Variants in RPGRIP1L observed in about 807,000 individuals in gnomAD.
RPGRIP1L encodes the protein RPGRIP1 like, also known as protein fantom.
In RPGRIP1L, 131 loss-of-function variants were observed where a neutral mutation model predicts 160.4. The observed-to-expected ratio is 0.82, with a 90% CI of 0.71 to 0.94. The LOEUF (loss-of-function observed/expected upper bound fraction) is 0.94. Ranked by LOEUF, RPGRIP1L falls within the 40% of genes least tolerant of loss-of-function variation. The pLI is 0.00. For synonymous variants in RPGRIP1L, 510 were observed against 515.8 expected (o/e 0.99, Z 0.15); for missense variants, 1,522 against 1,535.8 (o/e 0.99, Z 0.15).
intron 7 of RPGRIP1L, 138 bp from the exon 8 acceptor site, chr16:53,673,154 A>G (rs1968882708): frequency 2.5e-6 from 2 of 814,894 alleles, no homozygotes; most frequent in Admixed American, 4.6e-5. Flanking sequence ...TATTTTTTAC[A>G]TAACAAATGA....
chr16:53,677,068 T>G (rs1014104262), intron 6 of RPGRIP1L, among the ~76,000 whole-genome samples: 8 of 152,338 alleles, frequency 5.3e-5, no homozygotes, highest in Non-Finnish European at 8.8e-5. Context: ...TTTAAATTTT[T>G]TTGTAAGGCA....
chr16:53,620,878 T>C (rs1025358865), intron 23 of RPGRIP1L, among the ~76,000 whole-genome samples: 6 of 152,216 alleles, frequency 3.9e-5, no homozygotes, highest in Admixed American at 6.5e-5. Flanking sequence ...GTAATACATA[T>C]ATTTTATAAT....
At chr16:53,664,305 A>T (rs1968057354) in intron 10 of RPGRIP1L, among the ~76,000 whole-genome samples, 1 of 152,192 alleles carries the variant, frequency 6.6e-6, no homozygotes. Flanking sequence ...ATTTAAGGTC[A>T]CTGTCACAAA....
intron 17 of RPGRIP1L, among the ~76,000 whole-genome samples, chr16:53,643,141 C>G (rs1052044128): frequency 6.6e-6 from 1 of 151,954 alleles, no homozygotes; most frequent in Non-Finnish European, 1.5e-5. Flanking sequence ...AACCTTGTCT[C>G]TACTAAAAAT....
intron 10 of RPGRIP1L, chr16:53,659,977 T>A (rs1014766234): frequency 6.6e-6 from 1 of 152,134 alleles, no homozygotes; most frequent in East Asian, 1.9e-4. Flanking sequence ...AATGGAATAA[T>A]GGTTATGCTT....
chr16:53,654,429 C>T (rs1208746874), intron 14 of RPGRIP1L, among the ~76,000 whole-genome samples: 1 of 152,162 alleles, frequency 6.6e-6, no homozygotes, highest in African/African-American at 2.4e-5. Context: ...CCTGGAATGC[C>T]TTATATTACT....
At chr16:53,677,356 T>C (rs1281016060) in intron 6 of RPGRIP1L, among the ~76,000 whole-genome samples, 1 of 152,206 alleles carries the variant, frequency 6.6e-6, no homozygotes, top group African/African-American at 2.4e-5. Flanking sequence ...AGAGTACACC[T>C]TTCCTGGGAC....
At chr16:53,620,002 C>T (rs1047947848) in intron 23 of RPGRIP1L, among the ~76,000 whole-genome samples, 6 of 152,184 alleles carry the variant, frequency 3.9e-5, no homozygotes, top group African/African-American at 1.4e-4. Flanking sequence ...AAGGTAACTC[C>T]TCAGTTAAAT....
At chr16:53,643,033 T>C (rs542368999) in intron 17 of RPGRIP1L, among the ~76,000 whole-genome samples, 296 of 152,134 alleles carry the variant, frequency 1.9e-3, no homozygotes, top group African/African-American at 6.6e-3. Flanking sequence ...TGCGGTGGCT[T>C]ACCCCTGCAA....
chr16:53,698,373 T>G (rs1386320556), intron 2 of RPGRIP1L, among the ~76,000 whole-genome samples: 11 of 99,312 alleles, frequency 1.1e-4, no homozygotes, highest in South Asian at 3.4e-4. Flanking sequence ...AGGTGGGGGG[T>G]CAGCCCCCCG....
In RPGRIP1L at chr16:53,692,360, C is replaced by T. The variant is rs763182141; in HGVS notation, c.235G>A (p.Ala79Thr). The T allele has an allele frequency of 5.6e-6, 9 of 1,613,624 alleles. No individual in the cohort carries two copies. The highest frequency in any genetic ancestry group is 5.0e-5 in the Admixed American group (3 of 60,010). Residue 79 changes from alanine (A) to threonine (T), a missense_variant, in exon 4 of 27, where the codon GCC becomes ACC. Physicochemically the swap from Ala to Thr is moderately conservative, Grantham distance 58. Transcript: ENST00000647211. ...RKQEDKIKRM[A>T]TKLIRLVNDK... ...TTAACTAGCCGTATTAACTTGGTGG[C>T]CATTCTGGGGAAATAATAAAAAGAT...
intron 6 of RPGRIP1L, among the ~76,000 whole-genome samples, chr16:53,681,888 A>G (rs528549576): frequency 4.9e-4 from 74 of 152,350 alleles, no homozygotes; most frequent in African/African-American, 1.8e-3. Flanking sequence ...TCAGACTTCT[A>G]GAATTTCAAA....
chr16:53,641,578 A>AGC, intron 17 of RPGRIP1L, 103 bp from the exon 18 acceptor site: 1 of 1,046,982 alleles, frequency 9.6e-7, no homozygotes, highest in East Asian at 2.6e-5. Context: ...CTCATGCTCT[A>AGC]CCATGTGAAC....
chr16:53,696,237 C>T lies in RPGRIP1L; in HGVS notation c.144G>A (p.Glu48=). The T allele has an allele frequency of 6.2e-7, 1 of 1,614,040 alleles. No individual in the cohort carries two copies. Among genetic ancestry groups the T allele is most frequent in the African/African-American group, 1.3e-5 (1 of 75,032 alleles). Residue 48 remains glutamate, a synonymous_variant, in exon 3 of 27, where the codon GAG becomes GAA. Coordinates refer to ENST00000647211, the MANE Select transcript of RPGRIP1L (RefSeq NM_015272.5). Reference sequence around the variant, plus strand: ...AACGCAAAAATCTGTCTTCCAGTTCCTCACGACTGACACGTGACACTGCCT... The same window carrying T: ...AACGCAAAAATCTGTCTTCCAGTTCTTCACGACTGACACGTGACACTGCCT... ...SRQAVSRVSR[E]ELEDRFLRLH... is the part of the protein sequence containing the mutation.
intron 9 of RPGRIP1L, among the ~76,000 whole-genome samples, chr16:53,669,095 G>C (rs1323754902): frequency 6.6e-6 from 1 of 152,184 alleles, no homozygotes; most frequent in Non-Finnish European, 1.5e-5. Context: ...CAGGGAGTAT[G>C]TGCAGTTTTT....
intron 22 of RPGRIP1L, among the ~76,000 whole-genome samples, chr16:53,629,124 A>T (rs1965353190): frequency 6.6e-6 from 1 of 152,130 alleles, no homozygotes; most frequent in Non-Finnish European, 1.5e-5. Flanking sequence ...TTTCACCATC[A>T]CTGAGAACAG....
Position 53,696,175 on chromosome 16 carries a change from C to T in RPGRIP1L, c.206G>A (p.Arg69His), listed in dbSNP as rs574091991. The T allele has an allele frequency of 1.4e-4, 222 of 1,613,868 alleles. 5 individuals are homozygous for T. In the South Asian group the frequency reaches 2.1e-3, roughly 15 times the overall value. ...DENILLKQHA[R>H]KQEDKIKRMA... ...CCTTTTAATTTTATCCTCCTGCTTGCGGGCATGCTGTTTAAGTAAAATGTT... is the reference window on the plus strand; with the variant it reads ...CCTTTTAATTTTATCCTCCTGCTTGTGGGCATGCTGTTTAAGTAAAATGTT... Residue 69 changes from arginine (R) to histidine (H), a missense_variant, in exon 3 of 27, where the codon CGC becomes CAC. Transcript: ENST00000647211.
chr16:53,689,204 T>G (rs1252374005), intron 4 of RPGRIP1L, among the ~76,000 whole-genome samples: 1 of 152,028 alleles, frequency 6.6e-6, no homozygotes, highest in Non-Finnish European at 1.5e-5. Flanking sequence ...AATCAGGGTA[T>G]TTAGGATATC....
intron 9 of RPGRIP1L, among the ~76,000 whole-genome samples, chr16:53,670,401 G>A (rs757159351): frequency 3.3e-5 from 5 of 152,068 alleles, no homozygotes; most frequent in Admixed American, 2.0e-4. Context: ...ATGTATTTAA[G>A]TATATATTAC....
Sources: gnomAD v4.1 joint callset for allele counts (sites outside exome capture counted in the v4.1 genomes callset) on GRCh38, gnomAD v4.1.1 for gene constraint, MANE v1.5 for transcripts, NCBI Gene and HGNC (gene_info 2026-07-23, HGNC 2026-07-21) for gene names.